Variants in TNP1 observed in about 807,000 individuals in gnomAD.
The protein encoded by TNP1 is transition protein 1, also known as spermatid nuclear transition protein 1.
A neutral mutation model predicts 5.8 loss-of-function variants in TNP1; 1 was observed. The observed-to-expected ratio is 0.17, with a 90% CI of 0.06 to 0.82. The LOEUF is 0.82. Ranked by LOEUF, TNP1 falls within the 40% of genes least tolerant of loss-of-function variation. TNP1 has a pLI of 0.72. For synonymous variants in TNP1, 22 were observed against 25.3 expected (o/e 0.87, Z 0.40); for missense variants, 71 against 75.5 (o/e 0.94, Z 0.22).
intron 1 of TNP1, 25 bp from the exon 2 acceptor site, chr2:216,859,720 CAG>C (rs754585675): frequency 1.8e-5 from 29 of 1,614,022 alleles, no homozygotes; most frequent in African/African-American, 2.7e-5. Flanking sequence ...AGGTTTGCAA[CAG>C]AGACACGAAT....
Position 216,860,035 on chromosome 2 carries a change from G to T in TNP1, c.-1C>A. 6.2e-7 allele frequency: 1 copy of T among 1,614,078 alleles called. No individual in the cohort carries two copies. The highest frequency in any genetic ancestry group is 1.1e-5 in the South Asian group (1 of 91,072). On this transcript the variant is annotated 5_prime_UTR_variant, in exon 1 of 2. Coordinates refer to ENST00000236979, the MANE Select transcript of TNP1 (RefSeq NM_003284.4). ...TCTTTAATTTGCGGCTGGTCGACAT[G>T]GTAAGTTCTGCCAAAATGAGGGGCT...
Position 216,859,500 on chromosome 2 carries a change from C to T in TNP1, c.*167G>A. On this transcript the variant is annotated 3_prime_UTR_variant, in exon 2 of 2. Coordinates refer to ENST00000236979, the MANE Select transcript of TNP1 (RefSeq NM_003284.4). ...TTATTGAGATGTTGGGGAAAAACAGCCAACATATACATTCCTCATTTCGTC... is the reference window on the plus strand; with the variant it reads ...TTATTGAGATGTTGGGGAAAAACAGTCAACATATACATTCCTCATTTCGTC... 1 of 807,628 alleles carries T rather than the reference C, an allele frequency of 1.2e-6. No individual in the cohort carries two copies. Among genetic ancestry groups the T allele is most frequent in the Non-Finnish European group, 2.0e-6 (1 of 499,076 alleles). The allele number at this position is 807,628 out of a possible 1,614,324, so 50.0% of individuals were successfully genotyped here. A position where few individuals can be genotyped will look rare whatever the true frequency, so the allele number is the denominator to read the frequency against.
chr2:216,859,501 C>G lies in TNP1; in HGVS notation c.*166G>C, dbSNP rs899244468. On this transcript the variant is annotated 3_prime_UTR_variant, in exon 2 of 2. Transcript: ENST00000236979. ...TATTGAGATGTTGGGGAAAAACAGC[C>G]AACATATACATTCCTCATTTCGTCA... 1.2e-6 allele frequency: 1 copy of G among 813,576 alleles called. No homozygotes were observed. Among genetic ancestry groups the G allele is most frequent in the African/African-American group, 1.7e-5 (1 of 58,208 alleles). 50.4% of individuals were successfully genotyped at this position (813,576 alleles called of 1,614,324 possible).
chr2:216,859,673 G>T lies in TNP1; in HGVS notation c.162C>A (p.His54Gln), dbSNP rs761892156. 1 of 1,614,056 alleles carries T rather than the reference G, an allele frequency of 6.2e-7. No individual in the cohort carries two copies. The highest frequency in any genetic ancestry group is 8.5e-7 in the Non-Finnish European group (1 of 1,180,036). Residue 54 changes from histidine (H) to glutamine (Q), a missense_variant, in exon 2 of 2, where the codon CAC becomes CAA. Transcript: ENST00000236979. The stretch of plus-strand genomic sequence containing the variant: ...GGCAGAGCCCGCTGGGGGCTCACAA[G>T]TGGGAGCGGTAATTGCGATTGGCTG... Reference protein sequence around the residue: ...GDDANRNYRSHL With the variant: ...GDDANRNYRSQL
Position 216,859,904 on chromosome 2 carries a change from C to T in TNP1, c.131G>A (p.Gly44Asp). The change falls in exon 1 of 2, where the codon GGC (glycine) becomes GAC (aspartate). Residue 44 changes from glycine to aspartate, a missense_variant. Physicochemically the swap from Gly to Asp is moderately conservative, Grantham distance 94. Transcript: ENST00000236979. ...RKGNLKSRKR[G>D]DDANRNYRSH... ...CCCCATCCCTCACTCACCGTCATCG[C>T]CCCGTTTCCTACTTTTCAGGTTGCC... 1.2e-6 allele frequency: 2 copies of T among 1,614,204 alleles called. No homozygotes were observed. Among genetic ancestry groups the T allele is most frequent in the Non-Finnish European group, 1.7e-6 (2 of 1,180,036 alleles).
chr2:216,859,897 G>A lies in TNP1; in HGVS notation c.138C>T (p.Asp46=), dbSNP rs780910696. The A allele has an allele frequency of 1.1e-5, 18 of 1,614,034 alleles. No individual in the cohort carries two copies. Among genetic ancestry groups the A allele is most frequent in the Admixed American group, 5.0e-5 (3 of 59,994 alleles). ...ATCTCCTCCCCATCCCTCACTCACC[G>A]TCATCGCCCCGTTTCCTACTTTTCA... The part of the protein sequence containing the change: ...GNLKSRKRGD[D]ANRNYRSHL The change falls in exon 1 of 2, where the codon GAC becomes GAT. Residue 46 remains aspartate (D), a splice_region_variant and synonymous_variant. Transcript: ENST00000236979.
chr2:216,859,488 G>T lies in TNP1; in HGVS notation c.*179C>A. 1.3e-6 allele frequency: 1 copy of T among 740,908 alleles called. No individual in the cohort carries two copies. The highest frequency in any genetic ancestry group is 2.2e-6 in the Non-Finnish European group (1 of 445,692). The allele number at this position is 740,908 out of a possible 1,614,324, so 45.9% of individuals were successfully genotyped here. The stretch of plus-strand genomic sequence containing the variant: ...GCTTTCAAAGTTTTATTGAGATGTT[G>T]GGGAAAAACAGCCAACATATACATT... On this transcript the variant is annotated 3_prime_UTR_variant, in exon 2 of 2. Coordinates refer to ENST00000236979, the MANE Select transcript of TNP1 (RefSeq NM_003284.4).
At position 216,859,598 on chromosome 2, in the gene TNP1, TCCC is replaced by T; in HGVS notation, c.*66_*68del. 6.3e-7 allele frequency: 1 copy of T among 1,596,176 alleles called. No homozygotes were observed. The highest frequency in any genetic ancestry group is 8.6e-7 in the Non-Finnish European group (1 of 1,164,168). ...TCTAACATCAGGTCTCCTTGGCAGT[TCCC>T]CTTCTGCTGTTCTTGTTGCTGCTTG... is the stretch of plus-strand genomic sequence containing the variant. On this transcript the variant is annotated 3_prime_UTR_variant, in exon 2 of 2. Transcript: ENST00000236979.
intron 1 of TNP1, 40 bp from the exon 2 acceptor site, chr2:216,859,735 G>T (rs768841294): frequency 1.2e-6 from 2 of 1,614,116 alleles, no homozygotes; most frequent in Admixed American, 3.3e-5. Context: ...ACACGAATTA[G>T]AACATTCCCA....
rs1470508808 is a variant in TNP1, at chr2:216,859,916, CT to C, written c.118del (p.Ser40ValfsTer67). 8 of 1,614,114 alleles carry C rather than the reference CT, an allele frequency of 5.0e-6. No homozygotes were observed. Among genetic ancestry groups the C allele is most frequent in the Non-Finnish European group, 6.8e-6 (8 of 1,180,044 alleles). ...KRKYRKGNLKSRKRGDDANRN... is the reference protein window; with the variant it reads ...KRKYRKGNLKXRKRGDDANRN... ...CTCACCGTCATCGCCCCGTTTCCTA[CT>C]TTTCAGGTTGCCCTTACGGTATTTT... is the stretch of plus-strand genomic sequence containing the variant. On this transcript the variant is annotated frameshift_variant, in exon 1 of 2. Transcript: ENST00000236979. LOFTEE classifies it high-confidence loss of function.
chr2:216,860,010 T>G lies in TNP1; in HGVS notation c.25A>C (p.Ser9Arg), dbSNP rs754564984. The change falls in exon 1 of 2, where the codon AGT becomes CGT. Residue 9 changes from serine (S) to arginine (R), a missense_variant. Coordinates refer to ENST00000236979, the MANE Select transcript of TNP1 (RefSeq NM_003284.4). MSTSRKLK[S>R]HGMRRSKSRS... ...CTCTTGCTCCTCCTCATGCCATGACTCTTTAATTTGCGGCTGGTCGACATG... is the reference window on the plus strand; with the variant it reads ...CTCTTGCTCCTCCTCATGCCATGACGCTTTAATTTGCGGCTGGTCGACATG... 2.0e-5 allele frequency: 33 copies of G among 1,614,168 alleles called. No homozygotes were observed. The East Asian group carries it at 7.4e-4, about 36-fold the overall frequency.
chr2:216,860,030 G>A lies in TNP1; in HGVS notation c.5C>T (p.Ser2Leu), dbSNP rs747435022. Residue 2 changes from serine (S) to leucine (L), a missense_variant, in exon 1 of 2, where the codon TCG becomes TTG. Physicochemically the swap from Ser to Leu is moderately radical, Grantham distance 145 (BLOSUM62 -2). Transcript: ENST00000236979. M[S>L]TSRKLKSHGM... ...ATGACTCTTTAATTTGCGGCTGGTC[G>A]ACATGGTAAGTTCTGCCAAAATGAG... is the stretch of plus-strand genomic sequence containing the variant. 5.0e-6 allele frequency: 8 copies of A among 1,614,026 alleles called. No homozygotes were observed. The highest frequency in any genetic ancestry group is 1.7e-4 in the Middle Eastern group (1 of 6,048).
intron 1 of TNP1, 28 bp downstream of exon 1, chr2:216,859,868 G>A: frequency 6.2e-7 from 1 of 1,614,152 alleles, no homozygotes; most frequent in South Asian, 1.1e-5. Flanking sequence ...GCCTAAGTTT[G>A]GCAATCTCCT....
chr2:216,859,841 G>A, intron 1 of TNP1, 55 bp downstream of exon 1: 1 of 1,614,112 alleles, frequency 6.2e-7, no homozygotes, highest in Admixed American at 1.7e-5. Context: ...AAGAGGGAGG[G>A]CCTGGCAGCA....
In TNP1 at chr2:216,859,617, T is replaced by C. The variant is rs1038703973; in HGVS notation, c.*50A>G. On this transcript the variant is annotated 3_prime_UTR_variant, in exon 2 of 2. Transcript: ENST00000236979. ...GGCAGTTCCCCTTCTGCTGTTCTTG[T>C]TGCTGCTTGGTGCTGTGTGAAGCGC... is the stretch of plus-strand genomic sequence containing the variant. 3.1e-6 allele frequency: 5 copies of C among 1,612,416 alleles called. No homozygotes were observed. The African/African-American group carries it at 4.0e-5, about 13-fold the overall frequency.
Position 216,859,579 on chromosome 2 carries a change from A to T in TNP1, c.*88T>A. On this transcript the variant is annotated 3_prime_UTR_variant, in exon 2 of 2. Transcript: ENST00000236979. ...GGCTCCTCTCTGGCTTTGATCTAAC[A>T]TCAGGTCTCCTTGGCAGTTCCCCTT... is the stretch of plus-strand genomic sequence containing the variant. The T allele has an allele frequency of 6.5e-7, 1 of 1,542,166 alleles. No homozygotes were observed. The highest frequency in any genetic ancestry group is 9.0e-7 in the Non-Finnish European group (1 of 1,116,924).
intron 1 of TNP1, 56 bp from the exon 2 acceptor site, chr2:216,859,751 ACT>A (rs1688881889): frequency 6.2e-7 from 1 of 1,613,544 alleles, no homozygotes; most frequent in Non-Finnish European, 8.5e-7. Flanking sequence ...TCCCATCAAG[ACT>A]CTTGTTGCTC....
chr2:216,859,542 C>T lies in TNP1; in HGVS notation c.*125G>A, dbSNP rs1321311239. On this transcript the variant is annotated 3_prime_UTR_variant, in exon 2 of 2. Coordinates refer to ENST00000236979, the MANE Select transcript of TNP1 (RefSeq NM_003284.4). ...CATTTCGTCACAACTGGCATTTGAT[C>T]CACATTCCATAGGCTCCTCTCTGGC... 2.4e-6 allele frequency: 3 copies of T among 1,227,460 alleles called. No individual in the cohort carries two copies. Among genetic ancestry groups the T allele is most frequent in the African/African-American group, 3.0e-5 (2 of 66,004 alleles). The allele number at this position is 1,227,460 out of a possible 1,614,324, so 76.0% of individuals were successfully genotyped here. A position where few individuals can be genotyped will look rare whatever the true frequency, so the allele number is the denominator to read the frequency against.
chr2:216,859,875 T>G, intron 1 of TNP1, 21 bp downstream of exon 1: 1 of 1,614,194 alleles, frequency 6.2e-7, no homozygotes. Flanking sequence ...TTTGGCAATC[T>G]CCTCCCCATC....
Sources: gnomAD v4.1 joint callset for allele counts on GRCh38, gnomAD v4.1.1 for gene constraint, MANE v1.5 for transcripts, NCBI Gene and HGNC (gene_info 2026-07-23, HGNC 2026-07-21) for gene names.